Variants in DMD observed in about 807,000 individuals in gnomAD.
The protein encoded by DMD is dystrophin.
Under a neutral mutation model 330.1 loss-of-function variants are expected in DMD, and 63 were observed. That is an observed-to-expected ratio of 0.19 (90% CI 0.16 to 0.24). DMD has a LOEUF of 0.24. Ranked by LOEUF, DMD falls within the 10% of genes least tolerant of loss-of-function variation. The probability of loss-of-function intolerance (pLI) is 1.00; values close to 1 mark genes in which losing one functional copy is unlikely to be tolerated. For missense variants in DMD, 3,344 were observed against 2,684.1 expected (o/e 1.25, Z -5.43); for synonymous variants, 1,223 against 959.8 (o/e 1.27, Z -5.07).
intron 7 of DMD, among the ~76,000 whole-genome samples, chrX:32,781,728 G>A (rs182655043): frequency 3.6e-5 from 4 of 110,558 alleles, no homozygotes; most frequent in Non-Finnish European, 7.5e-5. Flanking sequence ...ACATGAGTAC[G>A]TGCACACACA....
intron 2 of DMD, among the ~76,000 whole-genome samples, chrX:32,899,397 C>T (rs1434295078): frequency 6.3e-5 from 7 of 110,542 alleles, no homozygotes; most frequent in South Asian, 3.8e-4. Flanking sequence ...ATTCTACGGC[C>T]GGGTGCGGTG....
intron 1 of DMD, among the ~76,000 whole-genome samples, chrX:33,149,590 T>C (rs2048184073): frequency 9.0e-6 from 1 of 111,656 alleles, no homozygotes; most frequent in African/African-American, 3.3e-5. Context: ...ATTTTCCGTC[T>C]TTTGTATCAT....
chrX:32,746,584 T>C (rs2070045304), intron 7 of DMD, among the ~76,000 whole-genome samples: 1 of 111,826 alleles, frequency 8.9e-6, no homozygotes, highest in African/African-American at 3.3e-5. Context: ...AATCGACACA[T>C]AATTATGCAT....
intron 43 of DMD, among the ~76,000 whole-genome samples, chrX:32,266,409 G>C (rs977885617): frequency 2.7e-5 from 3 of 111,961 alleles, no homozygotes; most frequent in Non-Finnish European, 3.8e-5. Context: ...GACTAATACA[G>C]ACTGTATGAT....
At chrX:31,610,725 A>C (rs146698087) in intron 55 of DMD, among the ~76,000 whole-genome samples, 3,577 of 111,917 alleles carry the variant, frequency 0.032, 144 homozygotes, top group African/African-American at 0.11. Context: ...CAACCTGAAA[A>C]AAGAAATTTT....
rs769472610 is a variant in DMD, at chrX:32,448,534, T to C, written c.3708A>G (p.Leu1236=). The change falls in exon 27 of 79, where the codon TTA becomes TTG. Residue 1236 remains leucine, a synonymous_variant. Transcript: ENST00000357033. ...TGGTTAGAGTTTCAAGTTCCTTTTT[T>C]AAGGCCTCTTGTGCTACAGGTGGAG... ...AQAPPVAQEA[L]KKELETLTTN... The C allele has an allele frequency of 2.5e-6, 3 of 1,208,797 alleles. No homozygotes were observed. Among genetic ancestry groups the C allele is most frequent in the Non-Finnish European group, 2.2e-6 (2 of 893,298 alleles).
intron 1 of DMD, among the ~76,000 whole-genome samples, chrX:33,094,988 C>G (rs2095137738): frequency 9.0e-6 from 1 of 111,134 alleles, no homozygotes; most frequent in African/African-American, 3.3e-5. Flanking sequence ...ATTACAAAAA[C>G]AAATTTGGTT....
At chrX:32,972,352 A>AT (rs756485756) in intron 2 of DMD, among the ~76,000 whole-genome samples, 17 of 109,003 alleles carry the variant, frequency 1.6e-4, no homozygotes, top group East Asian at 8.7e-4. Context: ...TAATTTTTGT[A>AT]TTTTTTTTAT....
At chrX:32,807,268 A>G (rs2077034830) in intron 7 of DMD, among the ~76,000 whole-genome samples, 1 of 109,862 alleles carries the variant, frequency 9.1e-6, no homozygotes, top group African/African-American at 3.3e-5. Flanking sequence ...GATAAAGGGG[A>G]TATCACCACT....
rs138587238 is a variant in DMD, at chrX:32,646,718, T to C, written c.961-1566A>G. Among the ~76,000 whole-genome samples, 432 of 111,699 alleles carry C rather than the reference T, an allele frequency of 3.9e-3. 5 individuals are homozygous for C. The highest frequency in any genetic ancestry group is 0.03 in the Admixed American group (317 of 10,440). On this transcript the variant is annotated intron_variant, in intron 9 of 78. Transcript: ENST00000357033. ...TGATAAATGCTCAAATTTTGAAAAT[T>C]CAATATTTTAAATTTCCCCAACTGT...
At chrX:31,765,691 A>C (rs2089948463) in intron 51 of DMD, among the ~76,000 whole-genome samples, 1 of 112,009 alleles carries the variant, frequency 8.9e-6, no homozygotes, top group African/African-American at 3.2e-5. Flanking sequence ...CATATACATA[A>C]AAGTGTGGAT....
At chrX:32,642,967 G>A (rs770218074) in intron 11 of DMD, among the ~76,000 whole-genome samples, 153 of 111,349 alleles carry the variant, frequency 1.4e-3, no homozygotes, top group African/African-American at 4.6e-3. Flanking sequence ...CCTGAAGAAT[G>A]TTGGCATATG....
chrX:31,462,604 T>C lies in DMD; in HGVS notation c.8937+15502A>G, dbSNP rs185908374. Among the ~76,000 whole-genome samples the C allele has an allele frequency of 2.4e-4, 27 of 112,139 alleles. No homozygotes were observed. In the East Asian group the frequency reaches 6.1e-3, roughly 26 times the overall value. On this transcript the variant is annotated intron_variant, in intron 59 of 78. Coordinates refer to ENST00000357033, the MANE Select transcript of DMD (RefSeq NM_004006.3). ...ATACTTGCTGGGCTCTTTCTTCTCC[T>C]GTATTGTTTCCCTAACTCCAATACA...
intron 2 of DMD, among the ~76,000 whole-genome samples, chrX:33,012,615 T>C (rs2093722390): frequency 9.0e-6 from 1 of 111,511 alleles, no homozygotes; most frequent in African/African-American, 3.2e-5. Context: ...ACTCATTTAG[T>C]AGAAACCGTA....
intron 1 of DMD, among the ~76,000 whole-genome samples, chrX:33,333,695 T>C (rs1024293455): frequency 6.3e-5 from 7 of 111,309 alleles, no homozygotes; most frequent in African/African-American, 2.3e-4. Context: ...AATTTGATTA[T>C]AGTTTCTCCT....
chrX:33,079,711 A>C (rs930345279), intron 1 of DMD, among the ~76,000 whole-genome samples: 2 of 111,931 alleles, frequency 1.8e-5, no homozygotes, highest in African/African-American at 6.5e-5. Context: ...AAAGTTTGCC[A>C]AATATCAAAG....
intron 7 of DMD, among the ~76,000 whole-genome samples, chrX:32,758,654 C>A (rs965509976): frequency 9.0e-6 from 1 of 111,383 alleles, no homozygotes; most frequent in Non-Finnish European, 1.9e-5. Context: ...CGGAATCAAA[C>A]CCCCCATTTA....
chrX:32,005,369 G>A (rs1183731918), intron 44 of DMD, among the ~76,000 whole-genome samples: 2 of 110,742 alleles, frequency 1.8e-5, no homozygotes, highest in East Asian at 2.8e-4. Context: ...GAGACCACGC[G>A]GGCCAAAAGC....
At chrX:33,070,296 G>A (rs996577978) in intron 1 of DMD, among the ~76,000 whole-genome samples, 9 of 111,112 alleles carry the variant, frequency 8.1e-5, no homozygotes, top group South Asian at 3.8e-4. Context: ...ACACTTGAAC[G>A]TCAACTTGTA....
Sources: gnomAD v4.1 joint callset for allele counts (sites outside exome capture counted in the v4.1 genomes callset) on GRCh38, gnomAD v4.1.1 for gene constraint, MANE v1.5 for transcripts, NCBI Gene and HGNC (gene_info 2026-07-23, HGNC 2026-07-21) for gene names.